The following TMCO5A variants were observed in gnomAD, a reference collection of about 807,000 sequenced individuals.
The protein encoded by TMCO5A is transmembrane and coiled-coil domains 5A.
A neutral mutation model predicts 42.3 loss-of-function variants in TMCO5A; 34 were observed. The observed-to-expected ratio is 0.80, with a 90% CI of 0.61 to 1.07. TMCO5A has a LOEUF of 1.07. TMCO5A is among the 50% of genes least tolerant of loss of function. TMCO5A has a pLI of 0.00. For synonymous variants in TMCO5A, 131 were observed against 115.6 expected (o/e 1.13, Z -0.86); for missense variants, 357 against 327.9 (o/e 1.09, Z -0.69).
chr15:38,035,552 G>C, the TMCO5A span, among the ~76,000 whole-genome samples: 4 of 152,182 alleles, frequency 2.6e-5, no homozygotes, highest in Admixed American at 2.0e-4. Flanking sequence ...GCTGAGACAG[G>C]GAAGAAGAAA....
chr15:37,963,339 T>C (rs1890479163), intron 11 of TMCO5A, among the ~76,000 whole-genome samples: 1 of 152,220 alleles, frequency 6.6e-6, no homozygotes, highest in Non-Finnish European at 1.5e-5. Flanking sequence ...GGTTATATTA[T>C]GTCCGTGTAT....
At chr15:37,991,902 A>G in the TMCO5A span, among the ~76,000 whole-genome samples, 2 of 152,040 alleles carry the variant, frequency 1.3e-5, no homozygotes, top group Admixed American at 6.6e-5. Flanking sequence ...TATATAAAAA[A>G]CCCTGGAAAA....
the TMCO5A span, among the ~76,000 whole-genome samples, chr15:37,981,231 C>T: frequency 6.9e-6 from 1 of 145,152 alleles, no homozygotes; most frequent in African/African-American, 2.6e-5. Context: ...AAAAACTGGT[C>T]CCAGAAGGCG....
chr15:37,978,950 C>A, the TMCO5A span, among the ~76,000 whole-genome samples: 1 of 151,520 alleles, frequency 6.6e-6, no homozygotes, highest in African/African-American at 2.4e-5. Context: ...AGGGGCATTG[C>A]CACACACTTT....
chr15:37,936,785 T>C, intron 3 of TMCO5A, 62 bp from the exon 4 acceptor site: 1 of 1,600,352 alleles, frequency 6.2e-7, no homozygotes, highest in Non-Finnish European at 8.5e-7. Context: ...CTGAAATCTG[T>C]GTTTTATCAG....
At chr15:38,004,971 T>C in the TMCO5A span, 1 of 151,838 alleles carries the variant, frequency 6.6e-6, no homozygotes, top group African/African-American at 2.4e-5. Flanking sequence ...TGTTGAAGAG[T>C]AAAAAGATTT....
chr15:37,967,713 A>T (rs1278341866), exon 12 of TMCO5A: 1 of 152,168 alleles, frequency 6.6e-6, no homozygotes, highest in African/African-American at 2.4e-5. Context: ...ATAAAATACC[A>T]TGTATTAAAT....
chr15:37,943,696 A>G (rs1266351206), intron 10 of TMCO5A: 1 of 330,662 alleles, frequency 3.0e-6, no homozygotes, highest in Non-Finnish European at 5.7e-6. Flanking sequence ...TGCTCTATAG[A>G]AAGAGGCCAA....
chr15:38,037,326 C>G, the TMCO5A span, among the ~76,000 whole-genome samples: 357 of 152,292 alleles, frequency 2.3e-3, 2 homozygotes, highest in African/African-American at 8.3e-3. Context: ...TATTTAAAGC[C>G]TTGCCCTATA....
chr15:38,023,172 CAGTAACAA>C, the TMCO5A span, among the ~76,000 whole-genome samples: 1 of 152,054 alleles, frequency 6.6e-6, no homozygotes, highest in African/African-American at 2.4e-5. Flanking sequence ...CAGTGTGGCA[CAGTAACAA>C]AAATAGACAA....
At chr15:37,979,881 G>A in the TMCO5A span, among the ~76,000 whole-genome samples, 1 of 152,204 alleles carries the variant, frequency 6.6e-6, no homozygotes, top group African/African-American at 2.4e-5. Flanking sequence ...AGGGTAAGTG[G>A]GGGCAGTGAC....
the TMCO5A span, among the ~76,000 whole-genome samples, chr15:37,983,234 G>T: frequency 1.3e-5 from 2 of 152,058 alleles, no homozygotes; most frequent in African/African-American, 4.8e-5. Flanking sequence ...GATGTGCTAG[G>T]CACTTCACTT....
chr15:37,968,504 G>A (rs114954631), downstream of TMCO5A, among the ~76,000 whole-genome samples: 223 of 151,710 alleles, frequency 1.5e-3, no homozygotes, highest in African/African-American at 5.1e-3. Flanking sequence ...GACACCATTC[G>A]TTTCTACGGT....
chr15:38,018,440 T>C, the TMCO5A span, among the ~76,000 whole-genome samples: 1 of 152,140 alleles, frequency 6.6e-6, no homozygotes, highest in South Asian at 2.1e-4. Flanking sequence ...ACAAGTGCAC[T>C]CTAGAAATTA....
chr15:38,004,562 A>G, the TMCO5A span, among the ~76,000 whole-genome samples: 3 of 152,174 alleles, frequency 2.0e-5, no homozygotes, highest in Admixed American at 6.5e-5. Context: ...TCAGGTTCCA[A>G]CAGCCAGGAT....
intron 11 of TMCO5A, among the ~76,000 whole-genome samples, chr15:37,959,542 T>G (rs1292694642): frequency 6.6e-6 from 1 of 151,928 alleles, no homozygotes; most frequent in Non-Finnish European, 1.5e-5. Flanking sequence ...CATACACAAA[T>G]CAATCAATGT....
At chr15:37,948,995 T>C (rs576835192) in intron 11 of TMCO5A, among the ~76,000 whole-genome samples, 1 of 151,962 alleles carries the variant, frequency 6.6e-6, no homozygotes, top group East Asian at 1.9e-4. Flanking sequence ...AAAGGGGCTG[T>C]TTTTGACCTT....
chr15:38,010,236 C>G, the TMCO5A span, among the ~76,000 whole-genome samples: 1 of 151,578 alleles, frequency 6.6e-6, no homozygotes, highest in Non-Finnish European at 1.5e-5. Flanking sequence ...ATTAGCCGGG[C>G]GTATTGGCCG....
chr15:38,003,775 G>A, the TMCO5A span, among the ~76,000 whole-genome samples: 1 of 151,904 alleles, frequency 6.6e-6, no homozygotes, highest in Non-Finnish European at 1.5e-5. Flanking sequence ...TACCAGGCCT[G>A]GGATTCTCTT....
Sources: gnomAD v4.1 joint callset for allele counts (sites outside exome capture counted in the v4.1 genomes callset) on GRCh38, gnomAD v4.1.1 for gene constraint, MANE v1.5 for transcripts, NCBI Gene and HGNC (gene_info 2026-07-23, HGNC 2026-07-21) for gene names.